The following CCSER1 variants were observed in gnomAD, a reference collection of about 807,000 sequenced individuals.
The protein encoded by CCSER1 is serine-rich coiled-coil domain-containing protein 1.
Under a neutral mutation model 82.0 loss-of-function variants are expected in CCSER1, and 41 were observed. That is an observed-to-expected ratio of 0.50 (90% CI 0.39 to 0.65). The LOEUF is 0.65. Ranked by LOEUF, CCSER1 falls within the 30% of genes least tolerant of loss-of-function variation. The probability of loss-of-function intolerance (pLI) is 0.00; values close to 1 mark genes in which losing one functional copy is unlikely to be tolerated. For synonymous variants in CCSER1, 414 were observed against 383.9 expected, an observed-to-expected ratio of 1.08 and a Z score of -0.92; for missense variants, 1,119 against 1,064.2, an observed-to-expected ratio of 1.05 and a Z score of -0.72.
chr4:91,208,321 G>A (rs1000653392), intron 10 of CCSER1, among the ~76,000 whole-genome samples: 1 of 151,868 alleles, frequency 6.6e-6, no homozygotes, highest in African/African-American at 2.4e-5. Flanking sequence ...GTCCAAAATG[G>A]TATTTCCTAG....
At chr4:91,580,204 A>G (rs1446818174) in intron 10 of CCSER1, among the ~76,000 whole-genome samples, 1 of 151,856 alleles carries the variant, frequency 6.6e-6, no homozygotes, top group Admixed American at 6.6e-5. Flanking sequence ...TACTTTATTA[A>G]TGACAAAATT....
intron 10 of CCSER1, among the ~76,000 whole-genome samples, chr4:91,221,606 A>C (rs1398056746): frequency 6.6e-6 from 1 of 152,190 alleles, no homozygotes; most frequent in African/African-American, 2.4e-5. Flanking sequence ...TAAAATTATA[A>C]TAACTTCATC....
intron 9 of CCSER1, among the ~76,000 whole-genome samples, chr4:91,078,959 A>G (rs2148793367): frequency 6.6e-6 from 1 of 152,330 alleles, no homozygotes; most frequent in South Asian, 2.1e-4. Flanking sequence ...TGATTGATGT[A>G]CCTGAAAGTG....
chr4:90,363,717 C>A (rs1745791252), intron 3 of CCSER1, among the ~76,000 whole-genome samples: 1 of 151,930 alleles, frequency 6.6e-6, no homozygotes, highest in Non-Finnish European at 1.5e-5. Flanking sequence ...TAAAATATGA[C>A]CTACAGTTTT....
intron 10 of CCSER1, among the ~76,000 whole-genome samples, chr4:91,158,436 T>A (rs1286006646): frequency 1.3e-5 from 2 of 151,986 alleles, no homozygotes; most frequent in Non-Finnish European, 2.9e-5. Flanking sequence ...TTTATCCCTA[T>A]TCCAAAAATG....
intron 8 of CCSER1, among the ~76,000 whole-genome samples, chr4:90,880,470 G>A (rs1721136956): frequency 6.6e-6 from 1 of 152,120 alleles, no homozygotes; most frequent in Non-Finnish European, 1.5e-5. Context: ...CCTCTCTTTG[G>A]GTCAACTGCA....
In CCSER1 at chr4:90,570,233, C is replaced by G. The variant is rs190411727; in HGVS notation, c.1725-57792C>G. 3.0e-3 allele frequency among the ~76,000 whole-genome samples: 463 copies of G among 152,218 alleles called. 9 individuals are homozygous for G. The highest frequency in any genetic ancestry group is 8.1e-3 in the Admixed American group (124 of 15,298). ...GATAAATGTCTTCTTCCTTGGGAGTCCTGTGGTCTAGAATGTCTGGAATGA... is the reference window on the plus strand; with the variant it reads ...GATAAATGTCTTCTTCCTTGGGAGTGCTGTGGTCTAGAATGTCTGGAATGA... On this transcript the variant is annotated intron_variant, in intron 5 of 10. Transcript: ENST00000509176.
Position 91,067,169 on chromosome 4 carries a change from G to GA in CCSER1, c.2173-18771dup, listed in dbSNP as rs925973039. Among the ~76,000 whole-genome samples, 440 of 138,166 alleles carry GA rather than the reference G, an allele frequency of 3.2e-3. 3 individuals are homozygous for GA. The highest frequency in any genetic ancestry group is 0.011 in the African/African-American group (402 of 37,400). The allele number at this position is 138,166 out of a possible 152,430, so 90.6% of individuals were successfully genotyped here. A position where few individuals can be genotyped will look rare whatever the true frequency, so the allele number is the denominator to read the frequency against. On this transcript the variant is annotated intron_variant, in intron 9 of 10. Coordinates refer to ENST00000509176, the MANE Select transcript of CCSER1 (RefSeq NM_001145065.2). ...ACAGAGCCAGACAACGTCTCAAAAA[G>GA]AAAAAAAAAAGAATAGGCCCTGTCC...
chr4:90,468,176 T>C, intron 4 of CCSER1, 58 bp from the exon 5 acceptor site: 2 of 1,481,886 alleles, frequency 1.3e-6, no homozygotes, highest in South Asian at 1.4e-5. Flanking sequence ...AAAAAGGAGA[T>C]GTGAGACTAG....
At chr4:91,014,072 G>A (rs1739226323) in intron 9 of CCSER1, among the ~76,000 whole-genome samples, 1 of 133,464 alleles carries the variant, frequency 7.5e-6, no homozygotes, top group Admixed American at 7.5e-5. Flanking sequence ...GAATACATAA[G>A]CCCGGACATC....
At chr4:91,046,843 G>A (rs1459644602) in intron 9 of CCSER1, among the ~76,000 whole-genome samples, 5 of 151,776 alleles carry the variant, frequency 3.3e-5, no homozygotes, top group Non-Finnish European at 7.4e-5. Flanking sequence ...TCAGCCTCCC[G>A]AGTAGCTGGG....
intron 10 of CCSER1, among the ~76,000 whole-genome samples, chr4:91,476,184 G>A (rs763211132): frequency 1.3e-5 from 2 of 151,666 alleles, no homozygotes; most frequent in Non-Finnish European, 3.0e-5. Context: ...TTATATGGTA[G>A]TTCTATTTTT....
At chr4:90,465,089 A>G (rs542193475) in intron 4 of CCSER1, among the ~76,000 whole-genome samples, 3 of 150,478 alleles carry the variant, frequency 2.0e-5, no homozygotes, top group African/African-American at 7.3e-5. Context: ...TCAGCCTCCC[A>G]AGTAGCCGGG....
rs141758048 is a variant in CCSER1, at chr4:91,292,210, A to G, written c.2217+206216A>G. 4.7e-4 allele frequency among the ~76,000 whole-genome samples: 71 copies of G among 152,156 alleles called. No homozygotes were observed. The East Asian group carries it at 0.011, about 23-fold the overall frequency. On this transcript the variant is annotated intron_variant, in intron 10 of 10. Coordinates refer to ENST00000509176, the MANE Select transcript of CCSER1 (RefSeq NM_001145065.2). ...CTGTATGTACATGGTCCACAGAGCT[A>G]GAGAACTGGGTATTTGTACAACTGA... is the stretch of plus-strand genomic sequence containing the variant.
At chr4:90,651,751 A>T (rs1200486666) in intron 6 of CCSER1, among the ~76,000 whole-genome samples, 2 of 152,122 alleles carry the variant, frequency 1.3e-5, no homozygotes, top group Non-Finnish European at 2.9e-5. Context: ...CCCCTCTAGG[A>T]CAGAGAGCAA....
intron 5 of CCSER1, among the ~76,000 whole-genome samples, chr4:90,541,383 C>T (rs1776086453): frequency 6.6e-6 from 1 of 152,054 alleles, no homozygotes; most frequent in South Asian, 2.1e-4. Flanking sequence ...CTTTTCTCTG[C>T]CTTGCTACAA....
chr4:90,613,518 C>T (rs750319779), intron 5 of CCSER1, among the ~76,000 whole-genome samples: 1 of 152,160 alleles, frequency 6.6e-6, no homozygotes, highest in Non-Finnish European at 1.5e-5. Flanking sequence ...TTTCTGTCTT[C>T]GTCCTTTGTT....
intron 5 of CCSER1, among the ~76,000 whole-genome samples, chr4:90,598,047 G>A (rs1177958026): frequency 3.3e-5 from 5 of 151,710 alleles, no homozygotes; most frequent in Admixed American, 6.6e-5. Context: ...TCTGTTGATC[G>A]ACACTTAGGT....
At chr4:91,365,186 A>G (rs188890315) in intron 10 of CCSER1, among the ~76,000 whole-genome samples, 2 of 152,264 alleles carry the variant, frequency 1.3e-5, no homozygotes, top group Admixed American at 1.3e-4. Flanking sequence ...CATATGTATT[A>G]TTAGGGCAGT....
Sources: allele counts gnomAD v4.1 joint callset (sites outside exome capture counted in the v4.1 genomes callset), GRCh38; gene constraint gnomAD v4.1.1; transcripts MANE v1.5; gene names NCBI Gene and HGNC (gene_info 2026-07-23, HGNC 2026-07-21).